The following PLXDC2 variants were observed in gnomAD, a reference collection of about 807,000 sequenced individuals.
PLXDC2 encodes plexin domain containing 2.
Under a neutral mutation model 68.9 loss-of-function variants are expected in PLXDC2, and 40 were observed. That is an observed-to-expected ratio of 0.58 (90% CI 0.45 to 0.76). The LOEUF is 0.76. PLXDC2 is among the 30% of genes least tolerant of loss of function. The pLI, the probability that PLXDC2 is intolerant of heterozygous loss-of-function variation, is 0.00. For missense variants in PLXDC2, 644 were observed against 661.9 expected (o/e 0.97, Z 0.30); for synonymous variants, 243 against 234.2 (o/e 1.04, Z -0.34).
intron 1 of PLXDC2, among the ~76,000 whole-genome samples, chr10:19,882,485 A>G (rs1837746302): frequency 6.6e-6 from 1 of 152,214 alleles, no homozygotes; most frequent in South Asian, 2.1e-4. Context: ...AATCGGGCCA[A>G]CAACTGGTAG....
intron 3 of PLXDC2, among the ~76,000 whole-genome samples, chr10:20,055,739 T>G (rs571502544): frequency 1.3e-5 from 2 of 152,254 alleles, no homozygotes; most frequent in African/African-American, 4.8e-5. Flanking sequence ...CTATGTCTCT[T>G]TAGCTTAATT....
intron 9 of PLXDC2, among the ~76,000 whole-genome samples, chr10:20,184,658 A>G (rs1025732890): frequency 1.3e-5 from 2 of 151,944 alleles, no homozygotes; most frequent in Non-Finnish European, 2.9e-5. Flanking sequence ...AGACAGAGAC[A>G]GAAAACAAAT....
At chr10:19,910,017 C>T (rs1253422310) in intron 1 of PLXDC2, among the ~76,000 whole-genome samples, 1 of 152,004 alleles carries the variant, frequency 6.6e-6, no homozygotes, top group African/African-American at 2.4e-5. Flanking sequence ...CCGTGTTTTG[C>T]CTGTGTTAAT....
At chr10:19,925,881 T>C (rs553947710) in intron 1 of PLXDC2, among the ~76,000 whole-genome samples, 3 of 152,240 alleles carry the variant, frequency 2.0e-5, no homozygotes, top group Non-Finnish European at 4.4e-5. Context: ...TGCAGTCTGA[T>C]GAGCTTTTCT....
intron 9 of PLXDC2, among the ~76,000 whole-genome samples, chr10:20,196,294 T>G (rs1346909439): frequency 6.6e-6 from 1 of 152,196 alleles, no homozygotes; most frequent in East Asian, 1.9e-4. Flanking sequence ...TTTCTGTGGC[T>G]AAAGAGGCTG....
At chr10:20,279,539 G>A (rs929541467) in intron 13 of PLXDC2, among the ~76,000 whole-genome samples, 164 bp from the exon 14 acceptor site, 1 of 152,094 alleles carries the variant, frequency 6.6e-6, no homozygotes, top group Non-Finnish European at 1.5e-5. Context: ...AGGGCTTGGA[G>A]GGTTGATAAG....
In PLXDC2 at chr10:19,900,631, T is replaced by C. The variant is rs368866581; in HGVS notation, c.112+83440T>C. ...TATTTATTTATTATTCAATAGGTTT[T>C]GGGGGAGTAGGTGGTATTTGGTTAC... On this transcript the variant is annotated intron_variant, in intron 1 of 13. Transcript: ENST00000377252. Among the ~76,000 whole-genome samples the C allele has an allele frequency of 1.4e-4, 21 of 152,160 alleles. 1 individual carries two copies. Among genetic ancestry groups the C allele is most frequent in the African/African-American group, 5.1e-4 (21 of 41,516 alleles).
chr10:20,216,886 GT>G (rs1265396933), intron 10 of PLXDC2, among the ~76,000 whole-genome samples: 2 of 152,182 alleles, frequency 1.3e-5, no homozygotes, highest in Non-Finnish European at 2.9e-5. Flanking sequence ...TGCTTATGTG[GT>G]TTTGAATATT....
intron 1 of PLXDC2, among the ~76,000 whole-genome samples, chr10:19,867,157 C>T (rs1396601342): frequency 6.6e-6 from 1 of 151,146 alleles, no homozygotes; most frequent in Non-Finnish European, 1.5e-5. Context: ...TATCCACCTC[C>T]TGAGTACAAG....
chr10:20,279,304 T>G (rs1346732755), intron 13 of PLXDC2, among the ~76,000 whole-genome samples: 1 of 152,186 alleles, frequency 6.6e-6, no homozygotes, highest in Admixed American at 6.5e-5. Flanking sequence ...CAAAATGAAG[T>G]GATATCAGTA....
intron 3 of PLXDC2, among the ~76,000 whole-genome samples, chr10:20,047,321 T>C (rs1203669883): frequency 6.6e-6 from 1 of 152,162 alleles, no homozygotes; most frequent in Non-Finnish European, 1.5e-5. Flanking sequence ...TTATTTTTAG[T>C]TTTCTTATAA....
intron 1 of PLXDC2, among the ~76,000 whole-genome samples, chr10:19,830,100 A>G (rs1836659583): frequency 6.6e-6 from 1 of 152,230 alleles, no homozygotes; most frequent in Non-Finnish European, 1.5e-5. Flanking sequence ...ATATGGGTAA[A>G]CAATGAGTGA....
At chr10:20,174,934 G>A (rs545229410) in intron 7 of PLXDC2, among the ~76,000 whole-genome samples, 1 of 152,056 alleles carries the variant, frequency 6.6e-6, no homozygotes, top group African/African-American at 2.4e-5. Flanking sequence ...CTATCATCTG[G>A]GCCACCACAC....
chr10:20,137,789 C>T (rs780124449), intron 4 of PLXDC2, among the ~76,000 whole-genome samples: 1 of 152,326 alleles, frequency 6.6e-6, no homozygotes, highest in Non-Finnish European at 1.5e-5. Context: ...GGAGTTCGCA[C>T]GTTCTCCCCA....
At chr10:19,849,018 A>G (rs1010845122) in intron 1 of PLXDC2, among the ~76,000 whole-genome samples, 2 of 152,178 alleles carry the variant, frequency 1.3e-5, no homozygotes, top group Non-Finnish European at 2.9e-5. Flanking sequence ...TTTGTGTCAC[A>G]TATATTTAGG....
chr10:19,846,292 A>G (rs1837009434), intron 1 of PLXDC2, among the ~76,000 whole-genome samples: 1 of 152,192 alleles, frequency 6.6e-6, no homozygotes, highest in South Asian at 2.1e-4. Context: ...GGAAAAGAGC[A>G]TTATTTTTCT....
chr10:19,856,716 A>G (rs1837221447), intron 1 of PLXDC2, among the ~76,000 whole-genome samples: 1 of 152,230 alleles, frequency 6.6e-6, no homozygotes, highest in Non-Finnish European at 1.5e-5. Flanking sequence ...AACTGTTTCC[A>G]GACATGAATA....
intron 6 of PLXDC2, among the ~76,000 whole-genome samples, chr10:20,150,082 C>T (rs1469590535): frequency 6.6e-6 from 1 of 152,098 alleles, no homozygotes; most frequent in South Asian, 2.1e-4. Context: ...AATAGATGAA[C>T]CTACATTGAC....
At chr10:20,104,437 T>C (rs1833462741) in intron 4 of PLXDC2, among the ~76,000 whole-genome samples, 1 of 152,164 alleles carries the variant, frequency 6.6e-6, no homozygotes, top group Admixed American at 6.5e-5. Context: ...CAGCCCCTTG[T>C]AAGAATTCCC....
Sources: gnomAD v4.1 joint callset for allele counts (sites outside exome capture counted in the v4.1 genomes callset) on GRCh38, gnomAD v4.1.1 for gene constraint, MANE v1.5 for transcripts, NCBI Gene and HGNC (gene_info 2026-07-23, HGNC 2026-07-21) for gene names.